The following PLA2G4A variants were observed in gnomAD, a reference collection of about 807,000 sequenced individuals.
PLA2G4A encodes the protein phospholipase A2 group IVA.
In PLA2G4A, 40 loss-of-function variants were observed where a neutral mutation model predicts 81.9. The observed-to-expected ratio is 0.49, with a 90% confidence interval of 0.38 to 0.64. PLA2G4A has a LOEUF of 0.64. Ranked by LOEUF, PLA2G4A falls within the 30% of genes least tolerant of loss-of-function variation. The pLI, the probability that PLA2G4A is intolerant of heterozygous loss-of-function variation, is 0.00. For synonymous variants in PLA2G4A, 302 were observed against 296.9 expected (o/e 1.02, Z -0.18); for missense variants, 715 against 905.1 (o/e 0.79, Z 2.69).
chr1:186,866,524 G>C (rs1464970404), intron 2 of PLA2G4A, among the ~76,000 whole-genome samples: 2 of 152,058 alleles, frequency 1.3e-5, no homozygotes, highest in African/African-American at 4.8e-5. Flanking sequence ...TTGGTGTCTA[G>C]TAGAATGTAT....
At chr1:186,927,368 T>C (rs1052498421) in intron 7 of PLA2G4A, among the ~76,000 whole-genome samples, 1 of 152,198 alleles carries the variant, frequency 6.6e-6, no homozygotes, top group Non-Finnish European at 1.5e-5. Context: ...TGGTGTGTTT[T>C]GATAGTTCAG....
At chr1:186,937,663 G>A (rs911873435) in intron 8 of PLA2G4A, among the ~76,000 whole-genome samples, 4 of 150,742 alleles carry the variant, frequency 2.7e-5, no homozygotes, top group African/African-American at 7.3e-5. Flanking sequence ...AACCCAATAA[G>A]GAATTATAAT....
At chr1:186,958,199 G>T (rs1656823665) in intron 14 of PLA2G4A, among the ~76,000 whole-genome samples, 1 of 152,134 alleles carries the variant, frequency 6.6e-6, no homozygotes, top group Non-Finnish European at 1.5e-5. Context: ...TATGAGGTAT[G>T]TCTGATTATA....
chr1:186,856,161 A>T (rs1225195850), intron 2 of PLA2G4A, among the ~76,000 whole-genome samples: 2 of 152,064 alleles, frequency 1.3e-5, no homozygotes, highest in African/African-American at 2.4e-5. Flanking sequence ...CAGAGGAGAG[A>T]TAATATGATA....
rs747393053 is a variant in PLA2G4A, at chr1:186,870,750, AGT to A, written c.115+236_115+237del. ...GGGGGCCTTTGGTGACATGCGTAAGAGTGCCCTTATTTTCTTTGCTGTTAAAC... is the reference window on the plus strand; with the variant it reads ...GGGGGCCTTTGGTGACATGCGTAAGAGCCCTTATTTTCTTTGCTGTTAAAC... On this transcript the variant is annotated intron_variant, in intron 3 of 17. Coordinates refer to ENST00000367466, the MANE Select transcript of PLA2G4A (RefSeq NM_024420.3). 1.2e-5 allele frequency: 17 copies of A among 1,363,624 alleles called. No individual in the cohort carries two copies. The South Asian group carries it at 2.0e-4, about 16-fold the overall frequency. 84.5% of individuals were successfully genotyped at this position (1,363,624 alleles called of 1,614,324 possible).
chr1:186,879,925 G>T (rs552599781), intron 3 of PLA2G4A, among the ~76,000 whole-genome samples: 10 of 151,586 alleles, frequency 6.6e-5, no homozygotes, highest in Middle Eastern at 3.4e-3. Context: ...GTGCCATGTT[G>T]GTGTGCTGCA....
Position 186,846,277 on chromosome 1 carries a change from C to T in PLA2G4A, c.-69-8009C>T, listed in dbSNP as rs1652171421. ...CTAACTGGAATTGGACATGCAGCCA[C>T]TGCCTGACAATAATGGCTAGTGATT... On this transcript the variant is annotated intron_variant, in intron 1 of 17. Transcript: ENST00000367466. Among the ~76,000 whole-genome samples, 4 of 152,310 alleles carry T rather than the reference C, an allele frequency of 2.6e-5. No individual in the cohort carries two copies. The South Asian group carries it at 8.3e-4, about 32-fold the overall frequency.
chr1:186,981,087 T>C (rs1314217722), intron 17 of PLA2G4A, among the ~76,000 whole-genome samples: 6 of 152,104 alleles, frequency 3.9e-5, no homozygotes, highest in Non-Finnish European at 8.8e-5. Flanking sequence ...TAGTTGCATT[T>C]TATAAAACCT....
chr1:186,892,410 G>T (rs12720527), intron 3 of PLA2G4A, among the ~76,000 whole-genome samples: 6,468 of 152,156 alleles, frequency 0.043, 185 homozygotes, highest in African/African-American at 0.075. Context: ...TTTTCTTGTT[G>T]TAGTTTTATA....
intron 12 of PLA2G4A, among the ~76,000 whole-genome samples, 180 bp from the exon 13 acceptor site, chr1:186,950,473 CAGTG>C (rs1656516407): frequency 6.6e-6 from 1 of 151,884 alleles, no homozygotes; most frequent in African/African-American, 2.4e-5. Context: ...ATTTTGTTTC[CAGTG>C]AGAAATCTGA....
At chr1:186,836,935 A>T (rs1651798084) in intron 1 of PLA2G4A, among the ~76,000 whole-genome samples, 1 of 152,230 alleles carries the variant, frequency 6.6e-6, no homozygotes, top group Non-Finnish European at 1.5e-5. Flanking sequence ...ATTGAAGCAC[A>T]GATGTGACGG....
chr1:186,953,374 G>A (rs1464127039), intron 13 of PLA2G4A, among the ~76,000 whole-genome samples: 1 of 152,144 alleles, frequency 6.6e-6, no homozygotes, highest in Non-Finnish European at 1.5e-5. Flanking sequence ...GTTTTGATGA[G>A]GTATCAGTTC....
intron 10 of PLA2G4A, among the ~76,000 whole-genome samples, chr1:186,944,054 C>T (rs960227961): frequency 3.3e-5 from 5 of 151,942 alleles, no homozygotes; most frequent in African/African-American, 1.2e-4. Context: ...TATGAGAGGC[C>T]TAAAGGTTAT....
At chr1:186,844,951 T>C (rs1303642156) in intron 1 of PLA2G4A, among the ~76,000 whole-genome samples, 1 of 152,140 alleles carries the variant, frequency 6.6e-6, no homozygotes, top group Non-Finnish European at 1.5e-5. Context: ...CTGATCACAC[T>C]GTAATCCCCC....
At chr1:186,830,949 GCTTGCTTGCTTT>G (rs1323705035) in intron 1 of PLA2G4A, among the ~76,000 whole-genome samples, 2,314 of 44,340 alleles carry the variant, frequency 0.052, 30 homozygotes, top group East Asian at 0.11. Flanking sequence ...TTGCTTGCTT[GCTTGCTTGCTTT>G]CTTTCTTTCT....
In PLA2G4A at chr1:186,851,923, A is replaced by G. The variant is rs1305875125; in HGVS notation, c.-69-2363A>G. The stretch of plus-strand genomic sequence containing the variant: ...AGATAAAGGAGAAACTCATATCGAT[A>G]TTGATTAACAGTGTAAGACAGCATA... On this transcript the variant is annotated intron_variant, in intron 1 of 17. Transcript: ENST00000367466. 3.9e-5 allele frequency among the ~76,000 whole-genome samples: 6 copies of G among 152,120 alleles called. No homozygotes were observed. In the East Asian group the frequency reaches 9.7e-4, roughly 25 times the overall value.
chr1:186,849,515 C>T (rs549973945), intron 1 of PLA2G4A, among the ~76,000 whole-genome samples: 1 of 152,136 alleles, frequency 6.6e-6, no homozygotes, highest in East Asian at 1.9e-4. Context: ...TCAACATGAT[C>T]TGCCACTGCC....
intron 17 of PLA2G4A, among the ~76,000 whole-genome samples, chr1:186,984,169 G>C (rs1657817967): frequency 6.6e-6 from 1 of 152,024 alleles, no homozygotes; most frequent in Non-Finnish European, 1.5e-5. Context: ...CTTACTGTGG[G>C]TAGCAAGTGT....
intron 7 of PLA2G4A, among the ~76,000 whole-genome samples, chr1:186,919,258 C>T (rs888097957): frequency 1.3e-5 from 2 of 152,152 alleles, no homozygotes; most frequent in African/African-American, 4.8e-5. Flanking sequence ...CTGCAAAACC[C>T]CACAGCTCCT....
Sources: allele counts gnomAD v4.1 joint callset (sites outside exome capture counted in the v4.1 genomes callset), GRCh38; gene constraint gnomAD v4.1.1; transcripts MANE v1.5; gene names NCBI Gene and HGNC (gene_info 2026-07-23, HGNC 2026-07-21).